The following OTOA variants were observed in gnomAD, a reference collection of about 807,000 sequenced individuals.
The protein encoded by OTOA is otoancorin, also known as cancer/testis antigen 108.
In OTOA, 70 loss-of-function variants were observed where a neutral mutation model predicts 110.8. That is an observed-to-expected ratio of 0.63 (90% CI 0.52 to 0.77). OTOA has a LOEUF of 0.77. Among genes scored for constraint, OTOA ranks in the 30% least tolerant of loss-of-function variants. OTOA has a pLI of 0.00. For missense variants in OTOA, 917 were observed against 1,075.8 expected, an observed-to-expected ratio of 0.85 and a Z score of 2.06; for synonymous variants, 373 against 431.5, an observed-to-expected ratio of 0.86 and a Z score of 1.68.
intron 8 of OTOA, among the ~76,000 whole-genome samples, chr16:21,688,533 C>G (rs1363486116): frequency 6.6e-6 from 1 of 152,092 alleles, no homozygotes; most frequent in Non-Finnish European, 1.5e-5. Flanking sequence ...AACAAAAATA[C>G]CATAGACTGT....
intron 1 of OTOA, among the ~76,000 whole-genome samples, chr16:21,666,419 A>G (rs1387107752): frequency 6.6e-6 from 1 of 152,056 alleles, no homozygotes; most frequent in African/African-American, 2.4e-5. Flanking sequence ...GGAACCTCCT[A>G]GCATCTTTGC....
At chr16:21,750,186 G>A (rs1414343138) in intron 24 of OTOA, among the ~76,000 whole-genome samples, 9 of 152,238 alleles carry the variant, frequency 5.9e-5, no homozygotes, top group African/African-American at 1.4e-4. Flanking sequence ...AGGCTGAAAC[G>A]GGCAGATCAC....
intron 9 of OTOA, 119 bp from the exon 10 acceptor site, chr16:21,697,656 C>T (rs1897970460): frequency 1.3e-5 from 12 of 939,084 alleles, no homozygotes; most frequent in South Asian, 6.9e-5. Context: ...AACAAAATAA[C>T]GAATTAATGA....
chr16:21,706,557 G>A (rs1407536305), intron 12 of OTOA, among the ~76,000 whole-genome samples: 1 of 152,114 alleles, frequency 6.6e-6, no homozygotes, highest in Non-Finnish European at 1.5e-5. Flanking sequence ...CCCAAGACCA[G>A]ATGAGCAAAC....
chr16:21,678,372 G>T, intron 1 of OTOA, 139 bp from the exon 2 acceptor site: 2 of 541,254 alleles, frequency 3.7e-6, no homozygotes, highest in South Asian at 2.8e-5. Flanking sequence ...GGGATTCTGG[G>T]TGTACTTGGT....
intron 21 of OTOA, among the ~76,000 whole-genome samples, chr16:21,732,229 T>C (rs1358735555): frequency 6.6e-6 from 1 of 152,248 alleles, no homozygotes; most frequent in African/African-American, 2.4e-5. Context: ...GCCTCCCAAG[T>C]GCTGGGATTA....
intron 7 of OTOA, among the ~76,000 whole-genome samples, chr16:21,687,015 A>G (rs371515891): frequency 4.6e-5 from 7 of 152,220 alleles, no homozygotes; most frequent in African/African-American, 1.4e-4. Flanking sequence ...GTTTGGTTCA[A>G]GATGCCCTGG....
At chr16:21,678,984 G>A (rs765036142) in intron 3 of OTOA, 41 bp downstream of exon 3, 12 of 1,613,610 alleles carry the variant, frequency 7.4e-6, no homozygotes, top group Non-Finnish European at 9.3e-6. Context: ...CCCCTCTACT[G>A]GAATTGCCAA....
At chr16:21,669,987 G>A (rs1966846905) in intron 1 of OTOA, among the ~76,000 whole-genome samples, 1 of 152,056 alleles carries the variant, frequency 6.6e-6, no homozygotes, top group African/African-American at 2.4e-5. Flanking sequence ...TTAGCTGGGT[G>A]TGGTGGTGGG....
chr16:21,739,524 A>T (rs1899476631), intron 22 of OTOA, among the ~76,000 whole-genome samples: 1 of 152,312 alleles, frequency 6.6e-6, no homozygotes. Flanking sequence ...GGGCTCGGGA[A>T]ATACCCTGGC....
chr16:21,688,671 T>C (rs1158203955), intron 8 of OTOA, among the ~76,000 whole-genome samples: 2 of 152,126 alleles, frequency 1.3e-5, no homozygotes, highest in African/African-American at 4.8e-5. Context: ...ACCTTCTCGC[T>C]GTGTCCCCTT....
At chr16:21,721,242 C>A (rs1898727279) in intron 17 of OTOA, 30 of 424,142 alleles carry the variant, frequency 7.1e-5, no homozygotes, top group South Asian at 4.9e-4. Context: ...TACACACACA[C>A]ACACACACAC....
In OTOA at chr16:21,687,560, G is replaced by A. The variant is rs1037187971; in HGVS notation, c.547G>A (p.Val183Met). The A allele has an allele frequency of 1.2e-6, 2 of 1,614,002 alleles. No individual in the cohort carries two copies. Among genetic ancestry groups the A allele is most frequent in the Non-Finnish European group, 1.7e-6 (2 of 1,180,040 alleles). Residue 183 changes from valine (V) to methionine (M), a missense_variant, in exon 8 of 29, where the codon GTG becomes ATG. Coordinates refer to ENST00000646100, the MANE Select transcript of OTOA (RefSeq NM_144672.4). ...SLECVEILGK[V>M]LRGSSGSFLQ... The stretch of plus-strand genomic sequence containing the variant: ...GGAGTGTGTGGAGATCCTGGGCAAG[G>A]TGCTGAGGGGGTCCTCAGGGAGCTT...
chr16:21,702,824 C>T lies in OTOA; in HGVS notation c.980+1797C>T, dbSNP rs536488373. On this transcript the variant is annotated intron_variant, in intron 11 of 28. Coordinates refer to ENST00000646100, the MANE Select transcript of OTOA (RefSeq NM_144672.4). Reference sequence around the variant, plus strand: ...CCAAGTAGCTGGGACTACAGGCACACGCCACCACGCCCAGCTAATTTCTGT... The same window carrying T: ...CCAAGTAGCTGGGACTACAGGCACATGCCACCACGCCCAGCTAATTTCTGT... 5.3e-5 allele frequency among the ~76,000 whole-genome samples: 8 copies of T among 152,154 alleles called. No homozygotes were observed. In the South Asian group the frequency reaches 6.2e-4, roughly 12 times the overall value.
intron 8 of OTOA, among the ~76,000 whole-genome samples, chr16:21,690,369 A>G (rs1421484861): frequency 7.7e-6 from 1 of 129,242 alleles, no homozygotes; most frequent in African/African-American, 2.9e-5. Context: ...AATAGGACCC[A>G]GTGTGTGTTG....
At chr16:21,671,865 G>T (rs1307120261) in intron 1 of OTOA, among the ~76,000 whole-genome samples, 1 of 152,108 alleles carries the variant, frequency 6.6e-6, no homozygotes, top group East Asian at 1.9e-4. Flanking sequence ...GGGTGCAATG[G>T]CATCCACCTG....
chr16:21,678,804 T>A lies in OTOA; in HGVS notation c.92-111T>A. ...GTGGACAGTTATAATTAAAATTCAC[T>A]AAAAATTTCCTTCATGAGTGGCTTT... On this transcript the variant is annotated intron_variant, in intron 2 of 28. Transcript: ENST00000646100. 4 of 1,388,856 alleles carry A rather than the reference T, an allele frequency of 2.9e-6. No homozygotes were observed. The South Asian group carries it at 4.7e-5, about 16-fold the overall frequency. The allele number at this position is 1,388,856 out of a possible 1,614,324, so 86.0% of individuals were successfully genotyped here.
chr16:21,705,270 G>C lies in OTOA; in HGVS notation c.1082G>C (p.Gly361Ala). 1 of 1,614,046 alleles carries C rather than the reference G, an allele frequency of 6.2e-7. No homozygotes were observed. Among genetic ancestry groups the C allele is most frequent in the Non-Finnish European group, 8.5e-7 (1 of 1,180,018 alleles). Residue 361 changes from glycine to alanine, a missense_variant, in exon 12 of 29, where the codon GGC becomes GCC. This residue lies in a region of OTOA where 840 missense variants were observed against 910.2 expected (regional missense o/e 0.92). Coordinates refer to ENST00000646100, the MANE Select transcript of OTOA (RefSeq NM_144672.4). Reference protein sequence around the residue: ...YQMIKCSHLRGFQAGVQKLKA... With the variant: ...YQMIKCSHLRAFQAGVQKLKA... ...ATGATCAAGTGCAGCCACCTGAGGG[G>C]CTTCCAGGCTGGCGTCCAGAAGGTA...
In OTOA at chr16:21,715,071, C is replaced by T. The variant is rs757973819; in HGVS notation, c.1407C>T (p.Asp469=). Residue 469 remains aspartate (D), a synonymous_variant, in exon 14 of 29, where the codon GAC becomes GAT. Coordinates refer to ENST00000646100, the MANE Select transcript of OTOA (RefSeq NM_144672.4). ...CCTTCTGCAGCATGAAACGCAAGGA[C>T]ATCTCGCAGGTCCTGAGAAGTGCCG... is the stretch of plus-strand genomic sequence containing the variant. ...TQAFCSMKRK[D]ISQVLRSAVS... is the part of the protein sequence containing the mutation. The T allele has an allele frequency of 1.2e-6, 2 of 1,614,246 alleles. No homozygotes were observed. The highest frequency in any genetic ancestry group is 1.7e-6 in the Non-Finnish European group (2 of 1,180,026).
Sources: gnomAD v4.1 joint callset for allele counts (sites outside exome capture counted in the v4.1 genomes callset) on GRCh38, gnomAD v4.1.1 for gene constraint, gnomAD v4.1.1 regional missense constraint, MANE v1.5 for transcripts, NCBI Gene and HGNC (gene_info 2026-07-23, HGNC 2026-07-21) for gene names.